Variants in TBXAS1 observed in about 807,000 individuals in gnomAD.
The protein encoded by TBXAS1 is thromboxane A synthase 1, also known as thromboxane-A synthase.
A neutral mutation model predicts 60.7 loss-of-function variants in TBXAS1; 48 were observed. The observed-to-expected ratio is 0.79, with a 90% CI of 0.63 to 1.01. TBXAS1 has a LOEUF of 1.01. TBXAS1 is among the 50% of genes least tolerant of loss of function. The pLI, the probability that TBXAS1 is intolerant of heterozygous loss-of-function variation, is 0.00. For missense variants in TBXAS1, 685 were observed against 686.3 expected, an observed-to-expected ratio of 1.00 and a Z score of 0.02; for synonymous variants, 287 against 269.7, an observed-to-expected ratio of 1.06 and a Z score of -0.63.
chr7:139,829,378 T>A lies in TBXAS1; in HGVS notation c.-13T>A, dbSNP rs749644759. The A allele has an allele frequency of 6.2e-7, 1 of 1,612,116 alleles. No individual in the cohort carries two copies. Among genetic ancestry groups the A allele is most frequent in the Non-Finnish European group, 8.5e-7 (1 of 1,179,062 alleles). ...CATCTGGAAGACCACCACTCTGGGG[T>A]CTCAGAGGAATGATGGAAGCCTTGG... On this transcript the variant is annotated 5_prime_UTR_variant, in exon 1 of 13. Coordinates refer to ENST00000448866, the MANE Select transcript of TBXAS1 (RefSeq NM_001061.7).
chr7:139,796,954 T>TG (rs1797587167), intron 4 of TBXAS1, among the ~76,000 whole-genome samples: 1 of 152,228 alleles, frequency 6.6e-6, no homozygotes, highest in Non-Finnish European at 1.5e-5. Context: ...CAGTTAAACT[T>TG]GCGCTTGACA....
At chr7:139,895,118 C>T (rs1198163029) in intron 3 of TBXAS1, among the ~76,000 whole-genome samples, 3 of 151,988 alleles carry the variant, frequency 2.0e-5, no homozygotes, top group African/African-American at 7.3e-5. Context: ...GAGAAGGCTT[C>T]TAGGAGGAAG....
chr7:139,977,704 C>G (rs1811665093), intron 9 of TBXAS1, among the ~76,000 whole-genome samples: 1 of 152,138 alleles, frequency 6.6e-6, no homozygotes, highest in African/African-American at 2.4e-5. Flanking sequence ...TTCCCTTTCT[C>G]TGAAAATCTC....
intron 3 of TBXAS1, among the ~76,000 whole-genome samples, chr7:139,900,891 C>A (rs990955344): frequency 7.2e-5 from 11 of 152,158 alleles, no homozygotes; most frequent in Admixed American, 2.0e-4. Flanking sequence ...TGGAGTGGGT[C>A]ATGTGTCCAC....
Position 139,986,751 on chromosome 7 carries a change from ATATATGTG to A in TBXAS1, c.1135-20338_1135-20331del, listed in dbSNP as rs1569522746. On this transcript the variant is annotated intron_variant, in intron 9 of 12. Coordinates refer to ENST00000448866, the MANE Select transcript of TBXAS1 (RefSeq NM_001061.7). ...TATATATATATATACATACATATATATATATGTGTGTGTGTGTGTGTGTGTGTGTGTGT... is the reference window on the plus strand; with the variant it reads ...TATATATATATATACATACATATATATGTGTGTGTGTGTGTGTGTGTGTGT... 4.4e-4 allele frequency among the ~76,000 whole-genome samples: 21 copies of A among 47,944 alleles called. 1 individual carries two copies. The highest frequency in any genetic ancestry group is 2.7e-3 in the Admixed American group (12 of 4,480). The allele number at this position is 47,944 out of a possible 152,430, so 31.5% of individuals were successfully genotyped here. A position where few individuals can be genotyped will look rare whatever the true frequency, so the allele number is the denominator to read the frequency against.
At chr7:139,950,705 C>CCCCCTCGCCCTCCATCTACGGGAT (rs1809158737) in intron 5 of TBXAS1, among the ~76,000 whole-genome samples, 1 of 123,358 alleles carries the variant, frequency 8.1e-6, no homozygotes, top group Non-Finnish European at 1.8e-5. Flanking sequence ...ATCTACGGGA[C>CCCCCTCGCCCTCCATCTACGGGAT]CCCCTCGCCC....
intron 4 of TBXAS1, among the ~76,000 whole-genome samples, chr7:139,919,774 C>T (rs17161252): frequency 0.033 from 4,966 of 152,206 alleles, 239 homozygotes; most frequent in African/African-American, 0.11. Flanking sequence ...CATGGAATGC[C>T]GAGGTGTTGG....
chr7:139,914,089 G>A (rs932616669), intron 4 of TBXAS1: 6 of 150,494 alleles, frequency 4.0e-5, no homozygotes, highest in Non-Finnish European at 7.4e-5. Flanking sequence ...GAGTTCAGTG[G>A]TGTGATCAGA....
chr7:139,874,949 G>T (rs1336543968), intron 2 of TBXAS1, among the ~76,000 whole-genome samples: 1 of 152,116 alleles, frequency 6.6e-6, no homozygotes, highest in Admixed American at 6.6e-5. Flanking sequence ...ACAAAAATTA[G>T]CTGGGTGTGG....
At chr7:139,991,387 C>T (rs889754127) in intron 9 of TBXAS1, among the ~76,000 whole-genome samples, 2 of 151,334 alleles carry the variant, frequency 1.3e-5, no homozygotes, top group Non-Finnish European at 2.9e-5. Context: ...CAGTGTCCTC[C>T]TGGCTTCTCC....
Position 139,835,190 on chromosome 7 carries a change from C to T in TBXAS1, c.89+5711C>T, listed in dbSNP as rs561022380. On this transcript the variant is annotated intron_variant, in intron 1 of 12. Coordinates refer to ENST00000448866, the MANE Select transcript of TBXAS1 (RefSeq NM_001061.7). ...CATGCCATTCTCCTGCCTCAGCCTC[C>T]GGAGTAGCTGGCACTACAGGTGCCC... 2.4e-4 allele frequency among the ~76,000 whole-genome samples: 36 copies of T among 151,958 alleles called. No homozygotes were observed. In the South Asian group the frequency reaches 5.8e-3, roughly 25 times the overall value.
At chr7:139,875,837 G>A (rs892028288) in intron 3 of TBXAS1, 200 bp downstream of exon 3, 41 of 657,122 alleles carry the variant, frequency 6.2e-5, no homozygotes, top group African/African-American at 2.2e-4. Flanking sequence ...GGTTGCCCAC[G>A]GGGGGACTCT....
Position 139,999,204 on chromosome 7 carries a change from C to T in TBXAS1, c.1135-7887C>T, listed in dbSNP as rs1341516810. On this transcript the variant is annotated intron_variant, in intron 9 of 12. Transcript: ENST00000448866. This position sits in a 1 kb window ranked among gnomAD's most constrained non-coding sequence, Gnocchi z 4.3. ...GGTGAAATGTCAGAGCTCAGAGAACCTCAGCTCCCTCCCAACCTTGCCATA... is the reference window on the plus strand; with the variant it reads ...GGTGAAATGTCAGAGCTCAGAGAACTTCAGCTCCCTCCCAACCTTGCCATA... 6.6e-6 allele frequency among the ~76,000 whole-genome samples: 1 copy of T among 152,202 alleles called. No individual in the cohort carries two copies. Among genetic ancestry groups the T allele is most frequent in the Non-Finnish European group, 1.5e-5 (1 of 68,046 alleles).
At chr7:139,841,231 A>G (rs1228781692) in intron 1 of TBXAS1, among the ~76,000 whole-genome samples, 1 of 152,122 alleles carries the variant, frequency 6.6e-6, no homozygotes, top group Non-Finnish European at 1.5e-5. Context: ...AGCCAGTCAG[A>G]CTCTACTTCG....
Position 139,962,016 on chromosome 7 carries a change from C to T in TBXAS1, c.917C>T (p.Ser306Phe), listed in dbSNP as rs1213798721. Residue 306 changes from serine (S) to phenylalanine (F), a missense_variant, in exon 9 of 13, where the codon TCT becomes TTT. Coordinates refer to ENST00000448866, the MANE Select transcript of TBXAS1 (RefSeq NM_001061.7). ...GACATCGTCAGAGACGTTTTCTCCT[C>T]TACTGGGTGCAAGCCGAACCCTTCC... ...DFDIVRDVFSSTGCKPNPSRQ... is the reference protein window; with the variant it reads ...DFDIVRDVFSFTGCKPNPSRQ... The T allele has an allele frequency of 6.2e-7, 1 of 1,614,256 alleles. No homozygotes were observed. Among genetic ancestry groups the T allele is most frequent in the East Asian group, 2.2e-5 (1 of 44,890 alleles).
At chr7:139,786,336 A>ATATT (rs1797196338) in intron 3 of TBXAS1, among the ~76,000 whole-genome samples, 1 of 152,088 alleles carries the variant, frequency 6.6e-6, no homozygotes, top group Admixed American at 6.6e-5. Flanking sequence ...ACACTTAATA[A>ATATT]ATCTGTACTG....
At chr7:139,982,671 T>G (rs1396463800) in intron 9 of TBXAS1, among the ~76,000 whole-genome samples, 1 of 152,198 alleles carries the variant, frequency 6.6e-6, no homozygotes, top group Non-Finnish European at 1.5e-5. Context: ...TTGATTTCAT[T>G]TCTTTAAATG....
chr7:139,795,715 G>A (rs1286512485), intron 4 of TBXAS1, among the ~76,000 whole-genome samples: 1 of 151,962 alleles, frequency 6.6e-6, no homozygotes, highest in African/African-American at 2.4e-5. Context: ...AAGGGATCCA[G>A]TTTCAGCTTT....
At chr7:139,887,681 C>T (rs539962247) in intron 3 of TBXAS1, among the ~76,000 whole-genome samples, 11 of 152,244 alleles carry the variant, frequency 7.2e-5, no homozygotes, top group East Asian at 1.9e-4. Context: ...TTGTAGATGG[C>T]GGAGTGTGTT....
Sources: gnomAD v4.1 joint callset for allele counts (sites outside exome capture counted in the v4.1 genomes callset) on GRCh38, gnomAD v4.1.1 for gene constraint, Gnocchi (gnomAD v3.1) non-coding constraint, MANE v1.5 for transcripts, NCBI Gene and HGNC (gene_info 2026-07-23, HGNC 2026-07-21) for gene names.